CACNA2D2: variants seen among roughly 807,000 people sequenced by gnomAD.
CACNA2D2 encodes calcium voltage-gated channel auxiliary subunit alpha2delta 2, also known as voltage-dependent calcium channel subunit alpha-2/delta-2.
A neutral mutation model predicts 166.4 loss-of-function variants in CACNA2D2; 48 were observed. The ratio of observed to expected loss-of-function variants is 0.29; its 90% CI spans 0.23 to 0.37. The LOEUF (loss-of-function observed/expected upper bound fraction) is 0.37, where lower values mean the gene tolerates loss of function less well. CACNA2D2 is among the 10% of genes least tolerant of loss of function. The pLI, the probability that CACNA2D2 is intolerant of heterozygous loss-of-function variation, is 1.00. For synonymous variants in CACNA2D2, 561 were observed against 573.7 expected, an observed-to-expected ratio of 0.98 and a Z score of 0.32; for missense variants, 1,122 against 1,433.0, an observed-to-expected ratio of 0.78 and a Z score of 3.50.
At chr3:50,400,195 T>C (rs1706376867) in intron 3 of CACNA2D2, among the ~76,000 whole-genome samples, 1 of 152,220 alleles carries the variant, frequency 6.6e-6, no homozygotes, top group East Asian at 1.9e-4. Flanking sequence ...TGAAGCAAGA[T>C]GCAGCTCTGC....
chr3:50,450,379 C>A (rs1241414479), intron 2 of CACNA2D2, among the ~76,000 whole-genome samples: 1 of 99,890 alleles, frequency 1.0e-5, no homozygotes, highest in Non-Finnish European at 1.9e-5. Flanking sequence ...GTAAACAGAA[C>A]CCGCCACTCT....
chr3:50,380,827 G>C lies in CACNA2D2; in HGVS notation c.785-22C>G, dbSNP rs1314706919. ...GTGGCTGAGGGAGGAGAGAAGGTGAGGGGGACTGGCAGGAAAGGGCTGGCC... is the reference window on the plus strand; with the variant it reads ...GTGGCTGAGGGAGGAGAGAAGGTGACGGGGACTGGCAGGAAAGGGCTGGCC... On this transcript the variant is annotated intron_variant, in intron 7 of 37. Transcript: ENST00000424201. The surrounding 1 kb of genome is among the most constrained non-coding windows in gnomAD (Gnocchi z 4.9). 1.3e-6 allele frequency: 2 copies of C among 1,543,518 alleles called. No homozygotes were observed. Among genetic ancestry groups the C allele is most frequent in the South Asian group, 1.2e-5 (1 of 80,242 alleles).
chr3:50,493,929 T>C (rs985025427), intron 1 of CACNA2D2, among the ~76,000 whole-genome samples: 9 of 152,198 alleles, frequency 5.9e-5, no homozygotes, highest in African/African-American at 1.9e-4. Flanking sequence ...GCCAGAGCTC[T>C]TCCCAGGACC....
intron 2 of CACNA2D2, among the ~76,000 whole-genome samples, chr3:50,435,026 G>A (rs146473554): frequency 6.6e-6 from 1 of 152,210 alleles, no homozygotes; most frequent in African/African-American, 2.4e-5. Flanking sequence ...AGAATATGGG[G>A]AATGGGCACC....
intron 3 of CACNA2D2, among the ~76,000 whole-genome samples, chr3:50,415,056 A>G (rs1031869246): frequency 6.6e-6 from 1 of 152,306 alleles, no homozygotes; most frequent in Non-Finnish European, 1.5e-5. Flanking sequence ...AACGCGGGTC[A>G]TGGGGGCCAA....
intron 2 of CACNA2D2, among the ~76,000 whole-genome samples, chr3:50,439,725 G>C (rs1403799062): frequency 6.6e-6 from 1 of 152,252 alleles, no homozygotes; most frequent in Non-Finnish European, 1.5e-5. Context: ...CACAGGGTCT[G>C]CAGTTGGAGG....
rs1218909977 is a variant in CACNA2D2, at chr3:50,380,024, C to T, written c.843-6G>A. On this transcript the variant is annotated splice_region_variant and splice_polypyrimidine_tract_variant and intron_variant, in intron 8 of 37. Coordinates refer to ENST00000424201, the MANE Select transcript of CACNA2D2 (RefSeq NM_006030.4). This position sits in a 1 kb window ranked among gnomAD's most constrained non-coding sequence, Gnocchi z 4.9. ...ACGAGGCCCCCTGGATATACCTGCCCAGGAGATGCCTCTGTTAGGGTAAGG... is the reference window on the plus strand; with the variant it reads ...ACGAGGCCCCCTGGATATACCTGCCTAGGAGATGCCTCTGTTAGGGTAAGG... 1 of 1,614,040 alleles carries T rather than the reference C, an allele frequency of 6.2e-7. No homozygotes were observed. The highest frequency in any genetic ancestry group is 8.5e-7 in the Non-Finnish European group (1 of 1,180,030).
chr3:50,384,503 T>TGGACAC (rs1416964653), intron 5 of CACNA2D2, among the ~76,000 whole-genome samples, 166 bp from the exon 6 acceptor site: 14 of 152,180 alleles, frequency 9.2e-5, no homozygotes, highest in African/African-American at 1.7e-4. Context: ...CAGGGACAGA[T>TGGACAC]GGACACGGGG....
At chr3:50,501,285 C>G (rs949455725) in intron 1 of CACNA2D2, among the ~76,000 whole-genome samples, 11 of 152,178 alleles carry the variant, frequency 7.2e-5, no homozygotes, top group African/African-American at 2.7e-4. Context: ...GTCTGCGGGA[C>G]CAGGGCAGCT....
intron 3 of CACNA2D2, among the ~76,000 whole-genome samples, chr3:50,396,858 T>G (rs1706183154): frequency 6.6e-6 from 1 of 152,168 alleles, no homozygotes; most frequent in South Asian, 2.1e-4. Context: ...GGGTTGAGAC[T>G]GGGGCAGAGT....
Position 50,378,105 on chromosome 3 carries a change from G to A in CACNA2D2, c.1390-8C>T. 6.2e-7 allele frequency: 1 copy of A among 1,612,842 alleles called. No homozygotes were observed. Among genetic ancestry groups the A allele is most frequent in the Non-Finnish European group, 8.5e-7 (1 of 1,179,672 alleles). ...CAACACATCTAGATATTCCTGGGGAGGGGGCAGTGGTGGGGGTAATGAGTG... is the reference window on the plus strand; with the variant it reads ...CAACACATCTAGATATTCCTGGGGAAGGGGCAGTGGTGGGGGTAATGAGTG... On this transcript the variant is annotated splice_polypyrimidine_tract_variant and splice_region_variant and intron_variant, in intron 14 of 37. Transcript: ENST00000424201.
At chr3:50,503,169 C>G in intron 1 of CACNA2D2, 49 bp downstream of exon 1, 1 of 1,105,120 alleles carries the variant, frequency 9.0e-7, no homozygotes, top group Non-Finnish European at 1.1e-6. Context: ...GGGGGCAGAG[C>G]GGGGCGCAAG....
intron 5 of CACNA2D2, among the ~76,000 whole-genome samples, chr3:50,386,853 T>C (rs1297649979): frequency 6.6e-6 from 1 of 152,218 alleles, no homozygotes; most frequent in Non-Finnish European, 1.5e-5. Context: ...CAGAGGGTCT[T>C]GGGCCTTGAC....
At position 50,364,812 on chromosome 3, in the gene CACNA2D2, G is replaced by A. The variant is rs1409979233; in HGVS notation, c.3292-6C>T. On this transcript the variant is annotated splice_polypyrimidine_tract_variant and splice_region_variant and intron_variant, in intron 37 of 37. Coordinates refer to ENST00000424201, the MANE Select transcript of CACNA2D2 (RefSeq NM_006030.4). ...CCACAGTCTGAGGTATCTTCCTGCG[G>A]GGAGAGACAAGGAGCTGGTCGGCCT... is the stretch of plus-strand genomic sequence containing the variant. The A allele has an allele frequency of 9.9e-6, 16 of 1,612,298 alleles. No individual in the cohort carries two copies. The highest frequency in any genetic ancestry group is 1.3e-5 in the African/African-American group (1 of 74,876).
chr3:50,403,832 C>T (rs951043798), intron 3 of CACNA2D2, among the ~76,000 whole-genome samples: 13 of 152,246 alleles, frequency 8.5e-5, no homozygotes, highest in Non-Finnish European at 1.9e-4. Flanking sequence ...GCTAGCTCCT[C>T]CTCATCCTGT....
chr3:50,428,951 C>T (rs948925818), intron 3 of CACNA2D2, among the ~76,000 whole-genome samples: 32 of 152,150 alleles, frequency 2.1e-4, no homozygotes, highest in African/African-American at 6.8e-4. Context: ...TGGTTTTGGC[C>T]AGGTGCCGTG....
intron 3 of CACNA2D2, among the ~76,000 whole-genome samples, chr3:50,424,266 T>G (rs897212684): frequency 6.6e-6 from 1 of 152,162 alleles, no homozygotes; most frequent in Non-Finnish European, 1.5e-5. Flanking sequence ...CCACAGGTTC[T>G]TTTTTGGGGC....
At chr3:50,421,182 C>T (rs59012751) in intron 3 of CACNA2D2, among the ~76,000 whole-genome samples, 13,377 of 152,310 alleles carry the variant, frequency 0.088, 1,787 homozygotes, top group African/African-American at 0.29. Flanking sequence ...ATCCCATTCC[C>T]TCCTTACCCT....
intron 22 of CACNA2D2, among the ~76,000 whole-genome samples, chr3:50,373,264 T>C (rs977931246): frequency 6.7e-6 from 1 of 150,352 alleles, no homozygotes; most frequent in South Asian, 2.1e-4. Context: ...AAAAACGACA[T>C]GAGAGAGAAA....
Sources: gnomAD v4.1 joint callset for allele counts (sites outside exome capture counted in the v4.1 genomes callset) on GRCh38, gnomAD v4.1.1 for gene constraint, Gnocchi (gnomAD v3.1) non-coding constraint, MANE v1.5 for transcripts, NCBI Gene and HGNC (gene_info 2026-07-23, HGNC 2026-07-21) for gene names.